Variants in CLSTN2 observed in about 807,000 individuals in gnomAD.
CLSTN2 encodes calsyntenin-2.
A neutral mutation model predicts 101.2 loss-of-function variants in CLSTN2; 48 were observed. The ratio of observed to expected loss-of-function variants is 0.47; its 90% CI spans 0.38 to 0.60. The LOEUF is 0.60. CLSTN2 is among the 20% of genes least tolerant of loss of function. The pLI, the probability that CLSTN2 is intolerant of heterozygous loss-of-function variation, is 0.00. For missense variants in CLSTN2, 1,160 were observed against 1,238.2 expected, an observed-to-expected ratio of 0.94 and a Z score of 0.95; for synonymous variants, 481 against 463.6, an observed-to-expected ratio of 1.04 and a Z score of -0.48.
intron 8 of CLSTN2, among the ~76,000 whole-genome samples, chr3:140,522,906 C>T (rs1935061593): frequency 6.6e-6 from 1 of 152,128 alleles, no homozygotes; most frequent in African/African-American, 2.4e-5. Context: ...CTCAGACAGG[C>T]AAAGGGTTGT....
chr3:140,346,136 TCC>T (rs1398427437), intron 2 of CLSTN2, among the ~76,000 whole-genome samples: 36 of 152,304 alleles, frequency 2.4e-4, no homozygotes, highest in Admixed American at 2.0e-3. Flanking sequence ...CATTTCTAAT[TCC>T]CCTAGGCTTG....
chr3:139,973,295 A>G (rs567663005), intron 1 of CLSTN2, among the ~76,000 whole-genome samples: 1 of 152,364 alleles, frequency 6.6e-6, no homozygotes, highest in Non-Finnish European at 1.5e-5. Flanking sequence ...GTGGCTGAGA[A>G]GCAAGGCAGG....
intron 16 of CLSTN2, among the ~76,000 whole-genome samples, chr3:140,565,027 T>C (rs905811854): frequency 3.3e-5 from 5 of 152,206 alleles, no homozygotes; most frequent in African/African-American, 1.2e-4. Context: ...CCTCCAAGCA[T>C]GTGCTGTAGG....
In CLSTN2 at chr3:140,258,871, T is replaced by C. The variant is rs139008554; in HGVS notation, c.232+82798T>C. ...AAAAAGAGACATCTGTGGAATTATC[T>C]TTATTTTCAAAACCTGTTTACAATA... On this transcript the variant is annotated intron_variant, in intron 2 of 16. Coordinates refer to ENST00000458420, the MANE Select transcript of CLSTN2 (RefSeq NM_022131.3). Among the ~76,000 whole-genome samples the C allele has an allele frequency of 2.8e-3, 424 of 152,312 alleles. 1 individual carries two copies. Among genetic ancestry groups the C allele is most frequent in the African/African-American group, 9.5e-3 (394 of 41,582 alleles).
intron 2 of CLSTN2, among the ~76,000 whole-genome samples, chr3:140,254,224 T>C (rs368480647): frequency 6.6e-6 from 1 of 152,258 alleles, no homozygotes; most frequent in Admixed American, 6.5e-5. Flanking sequence ...AATTACTAAT[T>C]TTTGCTTCCT....
intron 1 of CLSTN2, among the ~76,000 whole-genome samples, chr3:139,995,229 C>T (rs1399925044): frequency 1.3e-5 from 2 of 152,138 alleles, no homozygotes. Flanking sequence ...TCCAGTCTTC[C>T]CTCAGGGACC....
chr3:140,375,897 T>A (rs1432050159), intron 2 of CLSTN2, among the ~76,000 whole-genome samples: 1 of 152,212 alleles, frequency 6.6e-6, no homozygotes, highest in Non-Finnish European at 1.5e-5. Flanking sequence ...TTTAGAAACA[T>A]CTTGGATGCC....
At chr3:140,128,337 T>C (rs9985400) in intron 1 of CLSTN2, among the ~76,000 whole-genome samples, 71,424 of 152,136 alleles carry the variant, frequency 0.47, 18,059 homozygotes, top group Non-Finnish European at 0.56. Flanking sequence ...GTTAATTCCA[T>C]AGATAATGAA....
chr3:140,529,773 CT>C (rs1935216633), intron 8 of CLSTN2, among the ~76,000 whole-genome samples: 1 of 152,186 alleles, frequency 6.6e-6, no homozygotes, highest in African/African-American at 2.4e-5. Flanking sequence ...GCATTCCTAC[CT>C]TTGACTCTTG....
chr3:140,375,577 G>T (rs1477097376), intron 2 of CLSTN2, among the ~76,000 whole-genome samples: 1 of 152,088 alleles, frequency 6.6e-6, no homozygotes, highest in East Asian at 1.9e-4. Context: ...TTGCTCTTTT[G>T]TTTCTTGTAT....
At chr3:139,959,807 G>A (rs1444237290) in intron 1 of CLSTN2, among the ~76,000 whole-genome samples, 5 of 151,980 alleles carry the variant, frequency 3.3e-5, no homozygotes, top group Non-Finnish European at 7.4e-5. Context: ...CTGCAGCACA[G>A]AGCTCTTTCC....
At chr3:140,291,393 C>T (rs980949553) in intron 2 of CLSTN2, among the ~76,000 whole-genome samples, 2 of 151,752 alleles carry the variant, frequency 1.3e-5, no homozygotes, top group African/African-American at 4.8e-5. Flanking sequence ...AGTGCTTCCC[C>T]TCCCCCCCCA....
Position 140,015,951 on chromosome 3 carries a change from C to T in CLSTN2, c.109+80468C>T, listed in dbSNP as rs902938615. Among the ~76,000 whole-genome samples the T allele has an allele frequency of 5.3e-5, 8 of 152,250 alleles. No individual in the cohort carries two copies. In the East Asian group the frequency reaches 1.5e-3, roughly 29 times the overall value. On this transcript the variant is annotated intron_variant, in intron 1 of 16. Coordinates refer to ENST00000458420, the MANE Select transcript of CLSTN2 (RefSeq NM_022131.3). ...AACATTGGCCAGTATCTGCCCTAGG[C>T]TAGGCCGTTCTGGGACACAAAGCTG...
intron 8 of CLSTN2, among the ~76,000 whole-genome samples, chr3:140,509,544 T>C (rs1225773688): frequency 6.6e-6 from 1 of 152,232 alleles, no homozygotes; most frequent in Non-Finnish European, 1.5e-5. Context: ...CATTTTTTAC[T>C]CTGGGCCCCT....
chr3:140,455,643 C>G (rs769043685), intron 6 of CLSTN2, among the ~76,000 whole-genome samples: 2 of 152,120 alleles, frequency 1.3e-5, no homozygotes, highest in African/African-American at 4.8e-5. Flanking sequence ...GGGACCTTCA[C>G]GGAGGATTCC....
chr3:140,024,806 C>T (rs1480614473), intron 1 of CLSTN2, among the ~76,000 whole-genome samples: 1 of 152,138 alleles, frequency 6.6e-6, no homozygotes, highest in East Asian at 1.9e-4. Flanking sequence ...AGTGGTAATT[C>T]TTGTGTTGTA....
intron 1 of CLSTN2, among the ~76,000 whole-genome samples, chr3:140,061,340 T>C (rs2008200827): frequency 6.6e-6 from 1 of 152,206 alleles, no homozygotes; most frequent in Non-Finnish European, 1.5e-5. Context: ...TCTATAACAC[T>C]GTGTAAATGA....
At chr3:140,132,365 A>T (rs893038065) in intron 1 of CLSTN2, among the ~76,000 whole-genome samples, 2 of 152,226 alleles carry the variant, frequency 1.3e-5, no homozygotes, top group Non-Finnish European at 2.9e-5. Context: ...TAGAATGCAT[A>T]CATCTTCCAA....
At chr3:140,321,048 G>A (rs527891372) in intron 2 of CLSTN2, among the ~76,000 whole-genome samples, 19 of 152,288 alleles carry the variant, frequency 1.2e-4, no homozygotes, top group South Asian at 1.0e-3. Flanking sequence ...CTCATCTTTC[G>A]CGGGGTATGG....
Sources: gnomAD v4.1 joint callset for allele counts (sites outside exome capture counted in the v4.1 genomes callset) on GRCh38, gnomAD v4.1.1 for gene constraint, MANE v1.5 for transcripts, NCBI Gene and HGNC (gene_info 2026-07-23, HGNC 2026-07-21) for gene names.